Variants in TFEC observed in about 807,000 individuals in gnomAD.
TFEC encodes transcription factor EC, also known as class E basic helix-loop-helix protein 34.
A neutral mutation model predicts 41.6 loss-of-function variants in TFEC; 31 were observed. The observed-to-expected ratio is 0.74, with a 90% CI of 0.56 to 1.01. The LOEUF (loss-of-function observed/expected upper bound fraction) is 1.01, where lower values mean the gene tolerates loss of function less well. TFEC is among the 50% of genes least tolerant of loss of function. TFEC has a pLI of 0.00. For synonymous variants in TFEC, 143 were observed against 140.6 expected, an observed-to-expected ratio of 1.02 and a Z score of -0.12; for missense variants, 402 against 404.1, an observed-to-expected ratio of 0.99 and a Z score of 0.04.
chr7:115,978,089 T>C (rs191806801), intron 2 of TFEC, among the ~76,000 whole-genome samples: 6 of 152,238 alleles, frequency 3.9e-5, no homozygotes, highest in Admixed American at 3.3e-4. Context: ...TGAGTTAACA[T>C]ACTGATTGAG....
chr7:116,115,100 G>A (rs1052286123), intron 1 of TFEC, among the ~76,000 whole-genome samples: 1 of 151,990 alleles, frequency 6.6e-6, no homozygotes, highest in Non-Finnish European at 1.5e-5. Context: ...CACATGTAAC[G>A]TGGAACCTTC....
Position 116,038,981 on chromosome 7 carries a change from A to G in TFEC, c.199-54468T>C, listed in dbSNP as rs533849978. 5.1e-3 allele frequency among the ~76,000 whole-genome samples: 780 copies of G among 152,194 alleles called. 7 individuals are homozygous for G. Among genetic ancestry groups the G allele is most frequent in the Non-Finnish European group, 5.9e-3 (401 of 67,950 alleles). On this transcript the variant is annotated intron_variant, in intron 3 of 8. Transcript: ENST00000484212. ...GAGACGAAACGGGATGTGGAAAACC[A>G]TATACAGATTTTTAAAGGTCCTGCA...
Position 115,940,925 on chromosome 7 carries a change from C to T in TFEC, c.670G>A (p.Glu224Lys), listed in dbSNP as rs267601243. Residue 224 changes from glutamate (E) to lysine (K), a missense_variant, in exon 8 of 8, where the codon GAA becomes AAA. Coordinates refer to ENST00000265440, the MANE Select transcript of TFEC (RefSeq NM_012252.4). Reference sequence around the variant, plus strand: ...AGACCATGAGTACGAGCCTGAATTTCTAGTTCCTGTAATTTCAAACGAAAA... The same window carrying T: ...AGACCATGAGTACGAGCCTGAATTTTTAGTTCCTGTAATTTCAAACGAAAA... ...RRLLLRIQEL[E>K]IQARTHGLPT... 46 of 1,563,910 alleles carry T rather than the reference C, an allele frequency of 2.9e-5. No homozygotes were observed. In the Admixed American group the frequency reaches 8.8e-4, roughly 30 times the overall value.
chr7:116,101,064 T>A (rs1435194212), intron 3 of TFEC, among the ~76,000 whole-genome samples: 1 of 152,096 alleles, frequency 6.6e-6, no homozygotes, highest in Non-Finnish European at 1.5e-5. Flanking sequence ...AGGCTCCAAT[T>A]TATTGAAACA....
chr7:115,965,173 T>C (rs1051950118), intron 3 of TFEC, among the ~76,000 whole-genome samples: 7 of 151,730 alleles, frequency 4.6e-5, no homozygotes, highest in Admixed American at 4.0e-4. Context: ...ATAAACTTTT[T>C]TGGATAAGAT....
intron 7 of TFEC, chr7:115,941,132 C>A (rs1793474287): frequency 1.8e-6 from 1 of 559,548 alleles, no homozygotes; most frequent in East Asian, 3.3e-5. Context: ...ATTACTCAGA[C>A]TTTTTTTTAA....
intron 1 of TFEC, among the ~76,000 whole-genome samples, chr7:116,136,929 C>A (rs75176777): frequency 0.016 from 2,479 of 152,054 alleles, 22 homozygotes; most frequent in Non-Finnish European, 0.028. Context: ...TTTCACTATT[C>A]CAAATCTCTT....
At chr7:115,984,563 T>A (rs1255682284) in intron 1 of TFEC, 50 bp from the exon 2 acceptor site, 1 of 1,578,438 alleles carries the variant, frequency 6.3e-7, no homozygotes, top group African/African-American at 1.3e-5. Flanking sequence ...AGCTGTGAAA[T>A]TAGAGTTCTC....
chr7:115,977,400 AAAGAACAAAACTTTT>A (rs1170402399), intron 2 of TFEC, among the ~76,000 whole-genome samples: 2 of 152,130 alleles, frequency 1.3e-5, no homozygotes, highest in Non-Finnish European at 2.9e-5. Flanking sequence ...AAGGTTTACA[AAAGAACAAAACTTTT>A]TAACAACACT....
chr7:116,064,994 G>A (rs1215714597), intron 3 of TFEC, among the ~76,000 whole-genome samples: 1 of 152,126 alleles, frequency 6.6e-6, no homozygotes, highest in African/African-American at 2.4e-5. Flanking sequence ...TTAGACACAA[G>A]ACACAAGAGT....
At chr7:116,080,196 C>T (rs984399387) in intron 3 of TFEC, among the ~76,000 whole-genome samples, 6 of 152,088 alleles carry the variant, frequency 3.9e-5, no homozygotes, top group Non-Finnish European at 8.8e-5. Context: ...GGATCAAGGA[C>T]TTAAATCCAA....
At chr7:116,122,565 T>G (rs1051438042) in intron 1 of TFEC, among the ~76,000 whole-genome samples, 5 of 152,084 alleles carry the variant, frequency 3.3e-5, no homozygotes, top group African/African-American at 9.7e-5. Context: ...GAATCACTCA[T>G]TCAACAAGCA....
chr7:116,149,584 A>T (rs999698355), intron 1 of TFEC, among the ~76,000 whole-genome samples: 1 of 152,194 alleles, frequency 6.6e-6, no homozygotes, highest in Non-Finnish European at 1.5e-5. Context: ...AGGAAAAGAA[A>T]TTGTATTCCT....
intron 3 of TFEC, among the ~76,000 whole-genome samples, chr7:116,053,880 T>G (rs1396495556): frequency 6.6e-6 from 1 of 152,242 alleles, no homozygotes; most frequent in Non-Finnish European, 1.5e-5. Flanking sequence ...GAAAACAGAC[T>G]AATACAAATG....
At chr7:116,125,159 A>G (rs1798184473) in intron 1 of TFEC, among the ~76,000 whole-genome samples, 1 of 152,192 alleles carries the variant, frequency 6.6e-6, no homozygotes, top group African/African-American at 2.4e-5. Flanking sequence ...TACCTCAATA[A>G]AGATGAAATT....
intron 1 of TFEC, among the ~76,000 whole-genome samples, chr7:115,996,427 T>G (rs536608354): frequency 8.5e-5 from 13 of 152,124 alleles, no homozygotes; most frequent in African/African-American, 3.1e-4. Context: ...TCAGCAGTAC[T>G]ACCCAGGCAG....
intron 7 of TFEC, 45 bp from the exon 8 acceptor site, chr7:115,940,976 G>T: frequency 6.6e-7 from 1 of 1,512,504 alleles, no homozygotes; most frequent in Non-Finnish European, 8.9e-7. Flanking sequence ...TTTGAAATTG[G>T]ATTTAACACT....
At chr7:116,049,752 G>A (rs1304012410) in intron 3 of TFEC, among the ~76,000 whole-genome samples, 3 of 152,052 alleles carry the variant, frequency 2.0e-5, no homozygotes, top group African/African-American at 7.2e-5. Flanking sequence ...CGGCAAATGT[G>A]GAAGAACAGA....
At chr7:115,987,361 C>A (rs994191285) in intron 1 of TFEC, among the ~76,000 whole-genome samples, 1 of 152,122 alleles carries the variant, frequency 6.6e-6, no homozygotes, top group African/African-American at 2.4e-5. Flanking sequence ...TAACTATGTA[C>A]CACTAATTTT....
Sources: gnomAD v4.1 joint callset for allele counts (sites outside exome capture counted in the v4.1 genomes callset) on GRCh38, gnomAD v4.1.1 for gene constraint, MANE v1.5 for transcripts, NCBI Gene and HGNC (gene_info 2026-07-23, HGNC 2026-07-21) for gene names.